The following HIPK2 variants were observed in gnomAD, a reference collection of about 807,000 sequenced individuals.
The protein encoded by HIPK2 is homeodomain interacting protein kinase 2, also known as homeodomain-interacting protein kinase 2.
Under a neutral mutation model 113.7 loss-of-function variants are expected in HIPK2, and 27 were observed. The observed-to-expected ratio is 0.24, with a 90% confidence interval of 0.17 to 0.33. The LOEUF (loss-of-function observed/expected upper bound fraction) is 0.33, where lower values mean the gene tolerates loss of function less well. Among genes scored for constraint, HIPK2 ranks in the 10% least tolerant of loss-of-function variants. The probability of loss-of-function intolerance (pLI) is 1.00; values close to 1 mark genes in which losing one functional copy is unlikely to be tolerated. For synonymous variants in HIPK2, 631 were observed against 642.2 expected, an observed-to-expected ratio of 0.98 and a Z score of 0.26; for missense variants, 1,257 against 1,588.0, an observed-to-expected ratio of 0.79 and a Z score of 3.54.
intron 2 of HIPK2, among the ~76,000 whole-genome samples, chr7:139,650,283 G>T (rs536940324): frequency 2.7e-5 from 4 of 147,326 alleles, no homozygotes; most frequent in African/African-American, 1.0e-4. Flanking sequence ...CCAGGAGGCA[G>T]AGGTTGCAGT....
chr7:139,604,549 C>T (rs1431611292), intron 9 of HIPK2, among the ~76,000 whole-genome samples: 1 of 151,804 alleles, frequency 6.6e-6, no homozygotes, highest in African/African-American at 2.4e-5. Context: ...GGCGTGGTAG[C>T]GGGCACCTGT....
chr7:139,769,978 A>G (rs973950167), intron 1 of HIPK2, among the ~76,000 whole-genome samples: 1 of 152,188 alleles, frequency 6.6e-6, no homozygotes, highest in African/African-American at 2.4e-5. Flanking sequence ...GTTCAGGGGA[A>G]AAGGCCGAAA....
chr7:139,775,791 C>T (rs995783788), intron 1 of HIPK2, among the ~76,000 whole-genome samples: 2 of 152,146 alleles, frequency 1.3e-5, no homozygotes, highest in Non-Finnish European at 2.9e-5. Context: ...CATGGCCTAC[C>T]TTCCATATGG....
At chr7:139,573,575 C>T (rs1798385436) in intron 14 of HIPK2, among the ~76,000 whole-genome samples, 178 bp from the exon 15 acceptor site, 2 of 152,182 alleles carry the variant, frequency 1.3e-5, no homozygotes, top group East Asian at 1.9e-4. Context: ...GGCGCAGTGG[C>T]TCACGCCTGT....
chr7:139,588,340 G>GA (rs985505403), intron 12 of HIPK2, among the ~76,000 whole-genome samples: 2,160 of 138,342 alleles, frequency 0.016, 43 homozygotes, highest in African/African-American at 0.049. Flanking sequence ...GCCCCCTGCT[G>GA]AAAAAAAAAA....
At chr7:139,736,030 T>C in intron 1 of HIPK2, among the ~76,000 whole-genome samples, 1 of 152,088 alleles carries the variant, frequency 6.6e-6, no homozygotes, top group Non-Finnish European at 1.5e-5. Flanking sequence ...TGGCAGGTCT[T>C]TGGTGCCTAG....
At chr7:139,583,108 G>T (rs1798721950) in intron 13 of HIPK2, among the ~76,000 whole-genome samples, 1 of 152,266 alleles carries the variant, frequency 6.6e-6, no homozygotes, top group Admixed American at 6.5e-5. Flanking sequence ...CGGAATAGCG[G>T]GACGCGCAGA....
chr7:139,752,616 C>A (rs547926286), intron 1 of HIPK2, among the ~76,000 whole-genome samples: 1 of 151,434 alleles, frequency 6.6e-6, no homozygotes, highest in Admixed American at 6.6e-5. Flanking sequence ...CTTTAGACTT[C>A]TTTTCTTTTT....
chr7:139,612,292 T>C (rs1799861924), intron 9 of HIPK2, among the ~76,000 whole-genome samples: 1 of 152,200 alleles, frequency 6.6e-6, no homozygotes, highest in Non-Finnish European at 1.5e-5. Flanking sequence ...GGAAAAGCCT[T>C]TGTGAACCTA....
At position 139,564,898 on chromosome 7, in the gene HIPK2, CAT is replaced by C. The variant is rs1044045323; in HGVS notation, c.*8027_*8028del. On this transcript the variant is annotated 3_prime_UTR_variant, in exon 15 of 15. Transcript: ENST00000406875. ...AACAGCATTTTACAGTAGCTAAAAA[CAT>C]ATATACTTAACATGTGCATTTGAAC... 1.3e-5 allele frequency: 2 copies of C among 152,154 alleles called. No individual in the cohort carries two copies. Among genetic ancestry groups the C allele is most frequent in the African/African-American group, 4.8e-5 (2 of 41,434 alleles). The allele number at this position is 152,154 out of a possible 1,614,324, so 9.4% of individuals were successfully genotyped here. A position where few individuals can be genotyped will look rare whatever the true frequency, so the allele number is the denominator to read the frequency against.
chr7:139,725,753 G>C (rs1266091428), intron 1 of HIPK2, among the ~76,000 whole-genome samples: 1 of 152,160 alleles, frequency 6.6e-6, no homozygotes, highest in African/African-American at 2.4e-5. Flanking sequence ...CCAGGTGTTT[G>C]CTCGATACAA....
At chr7:139,595,557 C>T (rs1799176652) in intron 12 of HIPK2, among the ~76,000 whole-genome samples, 1 of 152,174 alleles carries the variant, frequency 6.6e-6, no homozygotes, top group African/African-American at 2.4e-5. Context: ...TGCTCCACTA[C>T]ATTCTTCTCT....
chr7:139,589,171 A>G (rs1454534138), intron 12 of HIPK2, among the ~76,000 whole-genome samples: 1 of 152,180 alleles, frequency 6.6e-6, no homozygotes, highest in Non-Finnish European at 1.5e-5. Context: ...ACATCCATCC[A>G]GCTCCAATCT....
At chr7:139,740,037 C>T (rs1316863458) in intron 1 of HIPK2, among the ~76,000 whole-genome samples, 3 of 152,178 alleles carry the variant, frequency 2.0e-5, no homozygotes, top group Admixed American at 6.5e-5. Context: ...CTCTCGGGTA[C>T]ATACCTGGGA....
chr7:139,638,638 AAG>A, intron 2 of HIPK2, among the ~76,000 whole-genome samples: 1 of 151,528 alleles, frequency 6.6e-6, no homozygotes, highest in East Asian at 1.9e-4. Flanking sequence ...GTTCTGGAGA[AAG>A]AGAGTAAATA....
chr7:139,734,711 T>A (rs555785438), intron 1 of HIPK2, among the ~76,000 whole-genome samples: 1 of 152,334 alleles, frequency 6.6e-6, no homozygotes, highest in South Asian at 2.1e-4. Flanking sequence ...AAAAATAGCA[T>A]GGCTCACACA....
chr7:139,708,854 T>C (rs2116902077), intron 2 of HIPK2, among the ~76,000 whole-genome samples: 1 of 152,260 alleles, frequency 6.6e-6, no homozygotes, highest in East Asian at 1.9e-4. Flanking sequence ...AGCACACCTG[T>C]GCCTGCATGT....
chr7:139,627,356 G>A (rs1254010437), intron 5 of HIPK2, among the ~76,000 whole-genome samples: 1 of 147,078 alleles, frequency 6.8e-6, no homozygotes, highest in Non-Finnish European at 1.5e-5. Flanking sequence ...TTAACCTTTA[G>A]AGGGAAGTGG....
At chr7:139,751,817 G>C (rs1796284111) in intron 1 of HIPK2, among the ~76,000 whole-genome samples, 1 of 152,114 alleles carries the variant, frequency 6.6e-6, no homozygotes, top group South Asian at 2.1e-4. Context: ...GATTCTCCCA[G>C]GGATCATGTT....
Sources: allele counts gnomAD v4.1 joint callset (sites outside exome capture counted in the v4.1 genomes callset), GRCh38; gene constraint gnomAD v4.1.1; transcripts MANE v1.5; gene names NCBI Gene and HGNC (gene_info 2026-07-23, HGNC 2026-07-21).